Variants in SHD observed in about 807,000 individuals in gnomAD.
The protein encoded by SHD is SH2 domain-containing adapter protein D.
Under a neutral mutation model 31.2 loss-of-function variants are expected in SHD, and 29 were observed. The ratio of observed to expected loss-of-function variants is 0.93; its 90% CI spans 0.69 to 1.27. The LOEUF (loss-of-function observed/expected upper bound fraction) is 1.27, where lower values mean the gene tolerates loss of function less well. Among genes scored for constraint, SHD ranks in the 50% most tolerant of loss-of-function variants. The pLI is 0.00. For missense variants in SHD, 520 were observed against 453.8 expected (o/e 1.15, Z -1.33); for synonymous variants, 208 against 187.8 (o/e 1.11, Z -0.88).
intron 3 of SHD, 143 bp from the exon 4 acceptor site, chr19:4,284,638 C>T: frequency 9.6e-7 from 1 of 1,037,440 alleles, no homozygotes; most frequent in Non-Finnish European, 1.3e-6. Context: ...CAATCCTGCC[C>T]CTGCCTTAAG....
chr19:4,290,336 C>CT, intron 5 of SHD, 111 bp from the exon 6 acceptor site: 1 of 1,147,620 alleles, frequency 8.7e-7, no homozygotes, highest in South Asian at 1.5e-5. Context: ...TTACCAGAGA[C>CT]TGGAGACACA....
chr19:4,282,865 C>T lies in SHD; in HGVS notation c.298-5C>T, dbSNP rs182603213. ...CTTGTCTTCTCCCCTTCCTTCTCTC[C>T]GCAGCTGGAAGCCGACACTGAGTAT... is the stretch of plus-strand genomic sequence containing the variant. On this transcript the variant is annotated splice_region_variant and splice_polypyrimidine_tract_variant and intron_variant, in intron 1 of 5. Coordinates refer to ENST00000543264, the MANE Select transcript of SHD (RefSeq NM_020209.4). The T allele has an allele frequency of 6.6e-5, 106 of 1,613,624 alleles. No individual in the cohort carries two copies. The African/African-American group carries it at 8.9e-4, about 14-fold the overall frequency.
intron 1 of SHD, among the ~76,000 whole-genome samples, chr19:4,282,181 A>G (rs1425518796): frequency 1.3e-5 from 2 of 152,096 alleles, no homozygotes; most frequent in Non-Finnish European, 2.9e-5. Context: ...GCACTTTGAG[A>G]GGCTGAAGCG....
In SHD at chr19:4,286,327, C is replaced by T. The variant is rs571799311; in HGVS notation, c.716+1423C>T. Among the ~76,000 whole-genome samples, 7 of 141,092 alleles carry T rather than the reference C, an allele frequency of 5.0e-5. No homozygotes were observed. The East Asian group carries it at 1.2e-3, about 25-fold the overall frequency. 92.6% of individuals were successfully genotyped at this position (141,092 alleles called of 152,430 possible). ...TCCTTCCTTCCTTCCTACCTTCCTTCCTTCCTTCCTTTCTTTCTCTCTTTC... is the reference window on the plus strand; with the variant it reads ...TCCTTCCTTCCTTCCTACCTTCCTTTCTTCCTTCCTTTCTTTCTCTCTTTC... On this transcript the variant is annotated intron_variant, in intron 4 of 5. Transcript: ENST00000543264.
Position 4,280,129 on chromosome 19 carries a change from C to T in SHD, c.66C>T (p.Thr22=). ...GGRRPPPQPP[T]PDYTESDILR... ...GGAGGCCCCCTCCGCAGCCGCCCAC[C>T]CCGGACTACACCGAGAGCGACATCC... Residue 22 remains threonine (T), a synonymous_variant, in exon 1 of 6, where the codon ACC becomes ACT. Transcript: ENST00000543264. The T allele has an allele frequency of 6.2e-7, 1 of 1,613,684 alleles. No individual in the cohort carries two copies. Among genetic ancestry groups the T allele is most frequent in the East Asian group, 2.2e-5 (1 of 44,838 alleles).
chr19:4,286,193 G>A (rs1032353529), intron 4 of SHD, among the ~76,000 whole-genome samples: 18 of 151,050 alleles, frequency 1.2e-4, no homozygotes, highest in African/African-American at 2.9e-4. Context: ...CACCTGGCCC[G>A]CTCTTTCTTT....
At chr19:4,285,982 C>T (rs1279482933) in intron 4 of SHD, among the ~76,000 whole-genome samples, 5 of 146,462 alleles carry the variant, frequency 3.4e-5, no homozygotes, top group Non-Finnish European at 7.5e-5. Context: ...ACCTCCGCCT[C>T]CCTGGTTCAA....
chr19:4,284,564 T>G (rs1971288892), intron 3 of SHD: 1 of 414,908 alleles, frequency 2.4e-6, no homozygotes, highest in Non-Finnish European at 4.1e-6. Flanking sequence ...TTGTGCTCCT[T>G]GCCACCAGAT....
rs574833376 is a variant in SHD, at chr19:4,283,351, T to C, written c.592+109T>C. 7 of 1,167,950 alleles carry C rather than the reference T, an allele frequency of 6.0e-6. No homozygotes were observed. In the South Asian group the frequency reaches 9.5e-5, roughly 16 times the overall value. The allele number at this position is 1,167,950 out of a possible 1,614,324, so 72.3% of individuals were successfully genotyped here. On this transcript the variant is annotated intron_variant, in intron 3 of 5. Coordinates refer to ENST00000543264, the MANE Select transcript of SHD (RefSeq NM_020209.4). The stretch of plus-strand genomic sequence containing the variant: ...AAAGTAGAGTCCAATTACTTGTCAC[T>C]TTTGTAGTTTGTTAATTCTCACTAG...
At chr19:4,284,129 C>A (rs899247186) in intron 3 of SHD, among the ~76,000 whole-genome samples, 22 of 151,780 alleles carry the variant, frequency 1.4e-4, no homozygotes, top group Non-Finnish European at 2.9e-4. Flanking sequence ...CATGGAGAAA[C>A]CCCGTCTTAC....
intron 4 of SHD, 32 bp downstream of exon 4, chr19:4,284,936 C>T: frequency 6.4e-7 from 1 of 1,560,018 alleles, no homozygotes. Context: ...GGAAGAGCCC[C>T]GTTGAACGTA....
Position 4,279,903 on chromosome 19 carries a change from T to C in SHD, c.-161T>C. ...CCCTCGTTCACCTTTTCCTTCCCTC[T>C]ATCCATCCAGAGCCCCGCCAAAGGG... On this transcript the variant is annotated 5_prime_UTR_variant, in exon 1 of 6. Coordinates refer to ENST00000543264, the MANE Select transcript of SHD (RefSeq NM_020209.4). The surrounding 1 kb of genome is among the most constrained non-coding windows in gnomAD (Gnocchi z 7.5). 1.2e-6 allele frequency: 1 copy of C among 826,176 alleles called. No individual in the cohort carries two copies. Among genetic ancestry groups the C allele is most frequent in the Non-Finnish European group, 1.9e-6 (1 of 539,172 alleles). The allele number at this position is 826,176 out of a possible 1,614,324, so 51.2% of individuals were successfully genotyped here. A position where few individuals can be genotyped will look rare whatever the true frequency, so the allele number is the denominator to read the frequency against.
chr19:4,282,752 AAAAAT>A (rs1171108910), intron 1 of SHD, 113 bp from the exon 2 acceptor site: 22 of 458,332 alleles, frequency 4.8e-5, no homozygotes, highest in African/African-American at 4.1e-4. Context: ...TAAATAATAA[AAAAAT>A]AAAAACTCTT....
chr19:4,284,810 A>G lies in SHD; in HGVS notation c.622A>G (p.Thr208Ala), dbSNP rs745885154. The G allele has an allele frequency of 1.9e-6, 3 of 1,610,748 alleles. No homozygotes were observed. In the African/African-American group the frequency reaches 4.0e-5, roughly 22 times the overall value. The part of the protein sequence containing the change: ...VQFDSPEWER[T>A]PGSAKELRRP... ...GTTTGACAGTCCAGAGTGGGAGAGG[A>G]CTCCAGGCTCAGCCAAGGAGCTCCG... Residue 208 changes from threonine (T) to alanine (A), a missense_variant, in exon 4 of 6, where the codon ACT (threonine) becomes GCT (alanine). Transcript: ENST00000543264.
chr19:4,279,974 A>ACCTCCT lies in SHD; in HGVS notation c.-80_-75dup. 1 of 1,399,896 alleles carries ACCTCCT rather than the reference A, an allele frequency of 7.1e-7. No individual in the cohort carries two copies. Among genetic ancestry groups the ACCTCCT allele is most frequent in the Non-Finnish European group, 9.5e-7 (1 of 1,051,402 alleles). The allele number at this position is 1,399,896 out of a possible 1,614,324, so 86.7% of individuals were successfully genotyped here. A position where few individuals can be genotyped will look rare whatever the true frequency, so the allele number is the denominator to read the frequency against. ...CTTCCCTGCTCTTCCCTTCCTCTCC[A>ACCTCCT]CCTCCTCCTCCTCCTTGGGGAAAGG... is the stretch of plus-strand genomic sequence containing the variant. On this transcript the variant is annotated 5_prime_UTR_variant, in exon 1 of 6. Transcript: ENST00000543264. This position sits in a 1 kb window ranked among gnomAD's most constrained non-coding sequence, Gnocchi z 7.5.
At position 4,283,176 on chromosome 19, in the gene SHD, C is replaced by T. The variant is rs200550741; in HGVS notation, c.526C>T (p.Arg176Trp). 75 of 1,614,108 alleles carry T rather than the reference C, an allele frequency of 4.6e-5. No individual in the cohort carries two copies. Among genetic ancestry groups the T allele is most frequent in the Admixed American group, 1.5e-4 (9 of 60,002 alleles). The change falls in exon 3 of 6, where the codon CGG (arginine) becomes TGG (tryptophan). Residue 176 changes from arginine to tryptophan, a missense_variant. Arg to Trp is a moderately radical substitution (Grantham distance 101, BLOSUM62 -3). Transcript: ENST00000543264. ...RQSRMPQEDERPADEYDQPWE... is the reference protein window; with the variant it reads ...RQSRMPQEDEWPADEYDQPWE... ...GAGCCGGATGCCCCAGGAAGATGAA[C>T]GGCCAGCAGATGAGTATGATCAGCC...
intron 4 of SHD, among the ~76,000 whole-genome samples, chr19:4,285,706 T>G (rs1027177302): frequency 6.7e-6 from 1 of 149,246 alleles, no homozygotes; most frequent in Non-Finnish European, 1.5e-5. Flanking sequence ...TGCACCACCA[T>G]GCCTAGCTAA....
chr19:4,283,631 T>G (rs980040387), intron 3 of SHD, among the ~76,000 whole-genome samples: 12 of 151,942 alleles, frequency 7.9e-5, no homozygotes, highest in Non-Finnish European at 1.5e-5. Flanking sequence ...CAGGCTGGAG[T>G]GCAGTGGCGT....
rs1568368996 is a variant in SHD, at chr19:4,284,857, C to A, written c.669C>A (p.Pro223=). ...KELRRPPPRS[P]QPAERVDPAL... The stretch of plus-strand genomic sequence containing the variant: ...TCCGGAGACCTCCGCCCAGAAGCCC[C>A]CAGCCTGCGGAGCGTGTGGACCCAG... The change falls in exon 4 of 6, where the codon CCC becomes CCA. Residue 223 remains proline (P), a synonymous_variant. Transcript: ENST00000543264. The A allele has an allele frequency of 1.2e-6, 2 of 1,612,730 alleles. No individual in the cohort carries two copies. Among genetic ancestry groups the A allele is most frequent in the Non-Finnish European group, 1.7e-6 (2 of 1,179,588 alleles).
Sources: gnomAD v4.1 joint callset for allele counts (sites outside exome capture counted in the v4.1 genomes callset) on GRCh38, gnomAD v4.1.1 for gene constraint, Gnocchi (gnomAD v3.1) non-coding constraint, MANE v1.5 for transcripts, NCBI Gene and HGNC (gene_info 2026-07-23, HGNC 2026-07-21) for gene names.